Variants in CNOT4 observed in about 807,000 individuals in gnomAD.
The protein encoded by CNOT4 is CCR4-associated factor 4.
A neutral mutation model predicts 73.8 loss-of-function variants in CNOT4; 8 were observed. That is an observed-to-expected ratio of 0.11 (90% CI 0.06 to 0.20). CNOT4 has a LOEUF of 0.20. CNOT4 is among the 10% of genes least tolerant of loss of function. The probability of loss-of-function intolerance (pLI) is 1.00; values close to 1 mark genes in which losing one functional copy is unlikely to be tolerated. For synonymous variants in CNOT4, 293 were observed against 321.1 expected, an observed-to-expected ratio of 0.91 and a Z score of 0.94; for missense variants, 564 against 883.4, an observed-to-expected ratio of 0.64 and a Z score of 4.58.
At position 135,473,751 on chromosome 7, in the gene CNOT4, G is replaced by C. The variant is rs578061720; in HGVS notation, c.-92-35328C>G. ...AATTGAGCAAGAGAGTCTTAAGAGG[G>C]AGAAAGAAAGCGAGGGAGAGTGAGA... On this transcript the variant is annotated intron_variant, in intron 1 of 11. Coordinates refer to ENST00000541284, the MANE Select transcript of CNOT4 (RefSeq NM_001190850.2). 6.1e-4 allele frequency among the ~76,000 whole-genome samples: 93 copies of C among 152,194 alleles called. 1 individual carries two copies. The highest frequency in any genetic ancestry group is 2.2e-3 in the African/African-American group (92 of 41,548).
At chr7:135,396,654 T>C (rs1212422986) in intron 8 of CNOT4, among the ~76,000 whole-genome samples, 13 of 152,202 alleles carry the variant, frequency 8.5e-5, no homozygotes, top group African/African-American at 3.1e-4. Flanking sequence ...TTTTGTATAA[T>C]AAATCTTTGT....
intron 1 of CNOT4, among the ~76,000 whole-genome samples, chr7:135,450,283 G>A (rs943678876): frequency 5.9e-5 from 9 of 152,098 alleles, no homozygotes; most frequent in Admixed American, 3.3e-4. Flanking sequence ...TTTTTAAGAA[G>A]GAGGAAAATA....
intron 1 of CNOT4, among the ~76,000 whole-genome samples, chr7:135,480,878 T>C (rs1306414773): frequency 1.4e-5 from 2 of 140,804 alleles, no homozygotes; most frequent in African/African-American, 5.4e-5. Context: ...GAAAACTGGA[T>C]ATCTATATGC....
intron 7 of CNOT4, among the ~76,000 whole-genome samples, chr7:135,410,225 C>A (rs1797520089): frequency 6.6e-6 from 1 of 152,046 alleles, no homozygotes; most frequent in Non-Finnish European, 1.5e-5. Flanking sequence ...AACCTAAAAT[C>A]CCTTAATTTT....
chr7:135,398,033 T>C, intron 8 of CNOT4, 136 bp downstream of exon 8: 1 of 660,400 alleles, frequency 1.5e-6, no homozygotes, highest in South Asian at 1.7e-5. Flanking sequence ...CTAATTATAA[T>C]ATGATTAATA....
Position 135,509,967 on chromosome 7 carries a change from CG to C in CNOT4, c.-172del. The C allele has an allele frequency of 2.5e-6, 1 of 399,138 alleles. No individual in the cohort carries two copies. The highest frequency in any genetic ancestry group is 3.6e-5 in the East Asian group (1 of 28,072). 24.7% of individuals were successfully genotyped at this position (399,138 alleles called of 1,614,324 possible). On this transcript the variant is annotated 5_prime_UTR_variant, in exon 1 of 12. Coordinates refer to ENST00000541284, the MANE Select transcript of CNOT4 (RefSeq NM_001190850.2). The stretch of plus-strand genomic sequence containing the variant: ...TCACAAGAAACCACCGAACGAGCGT[CG>C]GGGAAAAAACTCTTCAGAACCGGGC...
intron 2 of CNOT4, among the ~76,000 whole-genome samples, chr7:135,435,914 C>G (rs1799126671): frequency 6.6e-6 from 1 of 152,070 alleles, no homozygotes; most frequent in Non-Finnish European, 1.5e-5. Context: ...TCTGTCTCTG[C>G]TACATGGCAC....
At chr7:135,399,734 T>C (rs1442460310) in intron 7 of CNOT4, among the ~76,000 whole-genome samples, 1 of 152,100 alleles carries the variant, frequency 6.6e-6, no homozygotes, top group Non-Finnish European at 1.5e-5. Context: ...TCTGCAGACA[T>C]TGCCAGATGT....
In CNOT4 at chr7:135,396,107, CTTTTTTTTTTTTTTTTT is replaced by C. The variant is rs71174519; in HGVS notation, c.880-241_880-225del. On this transcript the variant is annotated intron_variant, in intron 8 of 11. Coordinates refer to ENST00000541284, the MANE Select transcript of CNOT4 (RefSeq NM_001190850.2). Reference sequence around the variant, plus strand: ...GCTTGAAAAGATTAAACTAGTCTCCCTTTTTTTTTTTTTTTTTTTTTTTTTTTTGAGATGGAGTCTCA... The same window carrying C: ...GCTTGAAAAGATTAAACTAGTCTCCCTTTTTTTTTTTGAGATGGAGTCTCA... 4.8e-4 allele frequency among the ~76,000 whole-genome samples: 46 copies of C among 95,440 alleles called. 1 individual carries two copies. Among genetic ancestry groups the C allele is most frequent in the African/African-American group, 2.0e-3 (43 of 21,838 alleles). The allele number at this position is 95,440 out of a possible 152,430, so 62.6% of individuals were successfully genotyped here.
intron 1 of CNOT4, among the ~76,000 whole-genome samples, chr7:135,469,362 T>C (rs1563068538): frequency 6.6e-6 from 1 of 152,340 alleles, no homozygotes; most frequent in East Asian, 1.9e-4. Flanking sequence ...CCTTCTCATT[T>C]ATGTGAAACA....
At chr7:135,485,317 G>C (rs1160643708) in intron 1 of CNOT4, among the ~76,000 whole-genome samples, 4 of 152,188 alleles carry the variant, frequency 2.6e-5, no homozygotes, top group Middle Eastern at 3.4e-3. Context: ...TGATCCACCT[G>C]CCTCGGCCTC....
chr7:135,435,562 C>G (rs73158939), intron 2 of CNOT4, among the ~76,000 whole-genome samples: 1 of 152,226 alleles, frequency 6.6e-6, no homozygotes, highest in East Asian at 1.9e-4. Flanking sequence ...TTCCCTCTTT[C>G]CTTTCCGAAA....
At chr7:135,487,604 A>G (rs1802815047) in intron 1 of CNOT4, among the ~76,000 whole-genome samples, 1 of 152,104 alleles carries the variant, frequency 6.6e-6, no homozygotes, top group Non-Finnish European at 1.5e-5. Context: ...TAAAAGTAAT[A>G]GTTCTTCAGT....
chr7:135,499,590 T>A (rs1803826602), intron 1 of CNOT4, among the ~76,000 whole-genome samples: 1 of 151,852 alleles, frequency 6.6e-6, no homozygotes, highest in Admixed American at 6.6e-5. Flanking sequence ...TTTTCTCCTC[T>A]CCTCACCCAC....
intron 1 of CNOT4, among the ~76,000 whole-genome samples, chr7:135,497,173 C>T (rs1460927543): frequency 6.6e-6 from 1 of 151,706 alleles, no homozygotes; most frequent in Non-Finnish European, 1.5e-5. Context: ...TTTGGGAAGC[C>T]GAGGCAGGCG....
At chr7:135,509,690 C>A in intron 1 of CNOT4, 199 bp downstream of exon 1, 1 of 204,746 alleles carries the variant, frequency 4.9e-6, no homozygotes, top group South Asian at 1.8e-4. Flanking sequence ...CTCCCTTTTC[C>A]TTATGGTAAC....
intron 1 of CNOT4, among the ~76,000 whole-genome samples, chr7:135,439,596 T>C (rs866925125): frequency 2.0e-5 from 3 of 152,088 alleles, no homozygotes; most frequent in African/African-American, 4.8e-5. Flanking sequence ...CAGCACAACA[T>C]AGCAAAGCCC....
intron 7 of CNOT4, among the ~76,000 whole-genome samples, chr7:135,407,204 T>C: frequency 6.6e-6 from 1 of 152,220 alleles, no homozygotes; most frequent in East Asian, 1.9e-4. Flanking sequence ...GCACCATGCT[T>C]GTACAGCCTG....
rs114529342 is a variant in CNOT4 at position 135,471,034 on chromosome 7, C to T, written c.-92-32611G>A. Among the ~76,000 whole-genome samples the T allele has an allele frequency of 6.7e-3, 1,020 of 152,314 alleles. 18 individuals carry two copies. The highest frequency in any genetic ancestry group is 0.023 in the African/African-American group (948 of 41,572). On this transcript the variant is annotated intron_variant, in intron 1 of 11. Transcript: ENST00000541284. ...ACAAAATCTCGACTTAATTCCATGT[C>T]TGCAGAACCCTTACAGTTAAGCCTA...
Sources: allele counts gnomAD v4.1 joint callset (sites outside exome capture counted in the v4.1 genomes callset), GRCh38; gene constraint gnomAD v4.1.1; transcripts MANE v1.5; gene names NCBI Gene and HGNC (gene_info 2026-07-23, HGNC 2026-07-21).